Variants in PNKD observed in about 807,000 individuals in gnomAD.
The protein encoded by PNKD is PNKD metallo-beta-lactamase domain containing.
Under a neutral mutation model 45.3 loss-of-function variants are expected in PNKD, and 36 were observed. That is an observed-to-expected ratio of 0.80 (90% CI 0.61 to 1.05). The LOEUF (loss-of-function observed/expected upper bound fraction) is 1.05, where lower values mean the gene tolerates loss of function less well. PNKD is among the 50% of genes least tolerant of loss of function. The probability of loss-of-function intolerance (pLI) is 0.00; values close to 1 mark genes in which losing one functional copy is unlikely to be tolerated. For synonymous variants in PNKD, 197 were observed against 210.1 expected (o/e 0.94, Z 0.54); for missense variants, 511 against 506.6 (o/e 1.01, Z -0.08).
intron 2 of PNKD, among the ~76,000 whole-genome samples, chr2:218,308,549 A>G (rs1693488991): frequency 6.7e-6 from 1 of 149,220 alleles, no homozygotes; most frequent in African/African-American, 2.5e-5. Context: ...TTCAAAATTT[A>G]CCCAGTTTTG....
intron 2 of PNKD, chr2:218,274,485 G>T (rs1691014542): frequency 6.5e-6 from 1 of 154,042 alleles, no homozygotes; most frequent in African/African-American, 2.4e-5. Context: ...GACCCTCCCT[G>T]GGTTAGCAGA....
chr2:218,277,816 G>A (rs1052782219), intron 2 of PNKD: 1 of 1,542,226 alleles, frequency 6.5e-7, no homozygotes, highest in Non-Finnish European at 8.9e-7. Context: ...AGAACAGGCG[G>A]CCCAGATAAG....
chr2:218,334,473 G>A (rs961917169), intron 2 of PNKD, among the ~76,000 whole-genome samples: 5 of 151,998 alleles, frequency 3.3e-5, no homozygotes, highest in African/African-American at 1.2e-4. Context: ...GTAGAGCCTG[G>A]GCAATCATCT....
At chr2:218,288,648 G>C (rs552332940) in intron 2 of PNKD, among the ~76,000 whole-genome samples, 1 of 152,096 alleles carries the variant, frequency 6.6e-6, no homozygotes, top group South Asian at 2.1e-4. Context: ...GATTAGGGAC[G>C]CTCAACCAGT....
intron 2 of PNKD, chr2:218,278,351 T>C: frequency 1.4e-6 from 1 of 709,626 alleles, no homozygotes; most frequent in South Asian, 1.8e-5. Context: ...TAAACACACA[T>C]GGTCCTTTGT....
rs754252282 is a variant in PNKD at position 218,277,628 on chromosome 2, T to C, written c.236+6079T>C. On this transcript the variant is annotated intron_variant, in intron 2 of 9. Coordinates refer to ENST00000273077, the MANE Select transcript of PNKD (RefSeq NM_015488.5). Reference sequence around the variant, plus strand: ...CCAAGAGTGGTGCTTTATCCCTGAATGTACCTGGAAATGGTGCCCGTCATG... The same window carrying C: ...CCAAGAGTGGTGCTTTATCCCTGAACGTACCTGGAAATGGTGCCCGTCATG... The C allele has an allele frequency of 2.5e-6, 4 of 1,614,186 alleles. No homozygotes were observed. In the South Asian group the frequency reaches 3.3e-5, roughly 13 times the overall value.
chr2:218,344,829 G>T lies in PNKD; in HGVS notation c.1006G>T (p.Glu336Ter), dbSNP rs754136722. The change falls in exon 10 of 10, where the codon GAG (glutamate) becomes TAG (stop). Residue 336 changes from glutamate to a stop codon, truncating the protein, a stop_gained. Coordinates refer to ENST00000273077, the MANE Select transcript of PNKD (RefSeq NM_015488.5). LOFTEE classifies it high-confidence loss of function. ...ACAGTGCCCATCTACCCTGGGAGAG[G>T]AGCGCTCCTACAACCCGTTCCTGAG... ...KGTCPSTLGE[E>*]RSYNPFLRTH... The T allele has an allele frequency of 1.9e-6, 3 of 1,613,936 alleles. No homozygotes were observed. The highest frequency in any genetic ancestry group is 2.5e-6 in the Non-Finnish European group (3 of 1,179,850).
chr2:218,306,145 G>A (rs1365589933), intron 2 of PNKD, among the ~76,000 whole-genome samples: 1 of 152,190 alleles, frequency 6.6e-6, no homozygotes, highest in African/African-American at 2.4e-5. Context: ...ACATGTGGAG[G>A]GGAGCAGCAG....
intron 2 of PNKD, among the ~76,000 whole-genome samples, chr2:218,338,570 C>G (rs1694568772): frequency 6.6e-6 from 1 of 151,800 alleles, no homozygotes; most frequent in South Asian, 2.1e-4. Context: ...AGTTCGAGAC[C>G]AGCCTAGACA....
At position 218,282,104 on chromosome 2, in the gene PNKD, C is replaced by T. The variant is rs767796792; in HGVS notation, c.236+10555C>T. ...CGGAGGGCCTGGGTACAGGGGGTTGCGGTCTTCATATGGTGGTGGGGCGCT... is the reference window on the plus strand; with the variant it reads ...CGGAGGGCCTGGGTACAGGGGGTTGTGGTCTTCATATGGTGGTGGGGCGCT... On this transcript the variant is annotated intron_variant, in intron 2 of 9. Transcript: ENST00000273077. 1.1e-5 allele frequency: 17 copies of T among 1,555,380 alleles called. No individual in the cohort carries two copies. Among genetic ancestry groups the T allele is most frequent in the African/African-American group, 6.9e-5 (5 of 72,692 alleles).
chr2:218,340,000 C>G (rs557515594), intron 3 of PNKD, 29 bp from the exon 4 acceptor site: 1 of 1,525,368 alleles, frequency 6.6e-7, no homozygotes, highest in East Asian at 2.2e-5. Context: ...CTGCCTGTTA[C>G]CCCGCCCACA....
chr2:218,271,298 C>CG, intron 1 of PNKD, 83 bp from the exon 2 acceptor site: 1 of 1,162,272 alleles, frequency 8.6e-7, no homozygotes, highest in African/African-American at 1.5e-5. Flanking sequence ...TCAGCCGCTC[C>CG]TCCCAAGCCC....
At chr2:218,322,372 A>T (rs1350103582) in intron 2 of PNKD, among the ~76,000 whole-genome samples, 3 of 152,140 alleles carry the variant, frequency 2.0e-5, no homozygotes, top group African/African-American at 7.2e-5. Context: ...CATTCCAGGG[A>T]CCTTAACAAC....
chr2:218,294,046 G>A (rs999429635), intron 2 of PNKD, among the ~76,000 whole-genome samples: 2 of 151,670 alleles, frequency 1.3e-5, no homozygotes, highest in East Asian at 1.9e-4. Context: ...ACTAGTGGCC[G>A]TTATGGTGGG....
chr2:218,343,426 A>T, intron 7 of PNKD, 74 bp from the exon 8 acceptor site: 1 of 1,193,156 alleles, frequency 8.4e-7, no homozygotes, highest in Non-Finnish European at 1.2e-6. Flanking sequence ...GCTGGTTCCC[A>T]CCTGTCTGGG....
chr2:218,345,107 A>C lies in PNKD; in HGVS notation c.*126A>C, dbSNP rs1694796943. The C allele has an allele frequency of 8.3e-6, 6 of 725,916 alleles. No individual in the cohort carries two copies. Among genetic ancestry groups the C allele is most frequent in the Non-Finnish European group, 1.4e-5 (6 of 437,644 alleles). 45.0% of individuals were successfully genotyped at this position (725,916 alleles called of 1,614,324 possible). A position where few individuals can be genotyped will look rare whatever the true frequency, so the allele number is the denominator to read the frequency against. On this transcript the variant is annotated 3_prime_UTR_variant, in exon 10 of 10. Transcript: ENST00000273077. Reference sequence around the variant, plus strand: ...GCACCCAAGCGGGCATCATCCCCCCACACTGCTCAGGGGAGGGGAGGGATC... The same window carrying C: ...GCACCCAAGCGGGCATCATCCCCCCCCACTGCTCAGGGGAGGGGAGGGATC...
At chr2:218,279,430 T>G (rs1691630808) in intron 2 of PNKD, 2 of 1,337,736 alleles carry the variant, frequency 1.5e-6, no homozygotes, top group South Asian at 3.0e-5. Context: ...CCCCCAGTAC[T>G]TTCCTCCCAC....
chr2:218,279,905 G>T, intron 2 of PNKD: 1 of 773,752 alleles, frequency 1.3e-6, no homozygotes, highest in East Asian at 2.5e-5. Context: ...CAAGGCTAGA[G>T]AAGACAGGCA....
intron 2 of PNKD, chr2:218,275,241 C>T (rs2106184619): frequency 2.2e-6 from 1 of 449,018 alleles, no homozygotes; most frequent in East Asian, 3.7e-5. Context: ...ACATCTTCAG[C>T]CTAGTCCCTG....
Sources: gnomAD v4.1 joint callset for allele counts (sites outside exome capture counted in the v4.1 genomes callset) on GRCh38, gnomAD v4.1.1 for gene constraint, MANE v1.5 for transcripts, NCBI Gene and HGNC (gene_info 2026-07-23, HGNC 2026-07-21) for gene names.